The following TBC1D8 variants were observed in gnomAD, a reference collection of about 807,000 sequenced individuals.
TBC1D8 encodes BUB2-like protein 1.
A neutral mutation model predicts 118.8 loss-of-function variants in TBC1D8; 65 were observed. The ratio of observed to expected loss-of-function variants is 0.55; its 90% CI spans 0.45 to 0.67. The LOEUF is 0.67. Ranked by LOEUF, TBC1D8 falls within the 30% of genes least tolerant of loss-of-function variation. The pLI, the probability that TBC1D8 is intolerant of heterozygous loss-of-function variation, is 0.00. For missense variants in TBC1D8, 1,376 were observed against 1,471.2 expected, an observed-to-expected ratio of 0.94 and a Z score of 1.06; for synonymous variants, 566 against 595.8, an observed-to-expected ratio of 0.95 and a Z score of 0.73.
At chr2:101,113,422 A>G (rs1004532583) in intron 1 of TBC1D8, among the ~76,000 whole-genome samples, 5 of 152,070 alleles carry the variant, frequency 3.3e-5, no homozygotes, top group African/African-American at 1.2e-4. Flanking sequence ...CAAAAACAAG[A>G]CTGAACATGA....
chr2:101,124,828 G>C (rs1353192752), intron 1 of TBC1D8, among the ~76,000 whole-genome samples: 4 of 152,154 alleles, frequency 2.6e-5, no homozygotes, highest in Non-Finnish European at 1.5e-5. Context: ...GAAGAGGCTG[G>C]GTGGCCAGGA....
In TBC1D8 at chr2:101,037,644, A is replaced by G. The variant is rs368634804; in HGVS notation, c.1340T>C (p.Met447Thr). The stretch of plus-strand genomic sequence containing the variant: ...ACTCTCCTCGCTATTTTGAGAAGAC[A>G]TCATTTCAAGATCCCCAAATCTGTG... The part of the protein sequence containing the change: ...SDHRFGDLEM[M>T]SSQNSEESEK... The change falls in exon 8 of 20, where the codon ATG becomes ACG. Residue 447 changes from methionine to threonine, a missense_variant. Transcript: ENST00000409318. 36 of 1,613,846 alleles carry G rather than the reference A, an allele frequency of 2.2e-5. No homozygotes were observed. Among genetic ancestry groups the G allele is most frequent in the Middle Eastern group, 1.6e-4 (1 of 6,084 alleles).
chr2:101,068,591 C>A, intron 2 of TBC1D8: 1 of 557,852 alleles, frequency 1.8e-6, no homozygotes, highest in East Asian at 3.7e-5. Flanking sequence ...GAAAATGCAC[C>A]AAGCAGCACA....
chr2:101,071,362 CAAACAAAT>C (rs922225164), intron 2 of TBC1D8, among the ~76,000 whole-genome samples: 14 of 145,174 alleles, frequency 9.6e-5, no homozygotes, highest in African/African-American at 2.6e-4. Flanking sequence ...AACAAACAAA[CAAACAAAT>C]AAATAAATAA....
intron 5 of TBC1D8, among the ~76,000 whole-genome samples, chr2:101,045,616 G>C (rs1234707353): frequency 1.3e-5 from 2 of 152,218 alleles, no homozygotes; most frequent in Non-Finnish European, 2.9e-5. Context: ...TCTTGGATAA[G>C]GGAGGGCAAA....
At chr2:101,078,721 A>G (rs1403579919) in intron 2 of TBC1D8, among the ~76,000 whole-genome samples, 1 of 150,484 alleles carries the variant, frequency 6.6e-6, no homozygotes, top group Non-Finnish European at 1.5e-5. Context: ...TAACAAAAAA[A>G]AAAAAGGAAA....
At chr2:101,032,051 C>G (rs980553724) in intron 11 of TBC1D8, among the ~76,000 whole-genome samples, 3 of 152,178 alleles carry the variant, frequency 2.0e-5, no homozygotes, top group African/African-American at 7.2e-5. Flanking sequence ...GTCTTTATAG[C>G]AGGAATGTGT....
chr2:101,018,001 C>A, intron 17 of TBC1D8: 1 of 1,426,366 alleles, frequency 7.0e-7, no homozygotes, highest in Non-Finnish European at 9.6e-7. Context: ...GCTCGCAATT[C>A]TACTTCAAGC....
chr2:101,083,450 A>G (rs1023175987), intron 2 of TBC1D8, among the ~76,000 whole-genome samples: 1 of 152,156 alleles, frequency 6.6e-6, no homozygotes, highest in African/African-American at 2.4e-5. Flanking sequence ...CTCTCCTAGG[A>G]TGTCTCCACC....
chr2:101,067,354 G>A (rs1487838221), intron 2 of TBC1D8, among the ~76,000 whole-genome samples: 1 of 152,152 alleles, frequency 6.6e-6, no homozygotes, highest in Admixed American at 6.5e-5. Context: ...AGATGACCAA[G>A]CTTGAAGAAC....
rs898644387 is a variant in TBC1D8 at position 101,090,320 on chromosome 2, G to A, written c.172C>T (p.Arg58Trp). 3 of 1,613,992 alleles carry A rather than the reference G, an allele frequency of 1.9e-6. No homozygotes were observed. Among genetic ancestry groups the A allele is most frequent in the Non-Finnish European group, 2.5e-6 (3 of 1,179,878 alleles). Residue 58 changes from arginine to tryptophan, a missense_variant, in exon 2 of 20, where the codon CGG (arginine) becomes TGG (tryptophan). By Grantham distance (101) the Arg-to-Trp change is moderately radical. Coordinates refer to ENST00000409318, the MANE Select transcript of TBC1D8 (RefSeq NM_001330348.2). ...AGCAGAATTCGAAATGGAGCGACCC[G>A]TGCATTGGAATCCAACACTGCATCC... Reference protein sequence around the residue: ...ALDAVLDSNARVAPFRILLQV... With the variant: ...ALDAVLDSNAWVAPFRILLQV...
chr2:101,059,609 A>C, intron 2 of TBC1D8, 70 bp from the exon 3 acceptor site: 5 of 1,312,954 alleles, frequency 3.8e-6, no homozygotes, highest in Non-Finnish European at 5.4e-6. Flanking sequence ...ACGTTAACTC[A>C]TTTTCCAAAT....
At position 101,140,181 on chromosome 2, in the gene TBC1D8, C is replaced by G. The variant is rs1355171713; in HGVS notation, c.127+10946G>C. 2.0e-5 allele frequency among the ~76,000 whole-genome samples: 3 copies of G among 152,094 alleles called. No homozygotes were observed. The South Asian group carries it at 6.2e-4, about 31-fold the overall frequency. ...CAAAGAGTGGGTTATGGTCACAGAA[C>G]CCCTCTTTAAAGTTGAGAAAGAAGA... On this transcript the variant is annotated intron_variant, in intron 1 of 19. Transcript: ENST00000409318.
chr2:101,119,468 AC>A (rs1427845214), intron 1 of TBC1D8, among the ~76,000 whole-genome samples: 1 of 152,170 alleles, frequency 6.6e-6, no homozygotes, highest in Non-Finnish European at 1.5e-5. Flanking sequence ...AGAAATGAGA[AC>A]CCCTCTGACT....
chr2:101,034,524 C>A (rs945180574), intron 9 of TBC1D8, among the ~76,000 whole-genome samples: 3 of 152,226 alleles, frequency 2.0e-5, no homozygotes, highest in African/African-American at 7.2e-5. Context: ...CTGTGCCAGC[C>A]ACCCACAGCC....
At chr2:101,117,983 C>A (rs1276612392) in intron 1 of TBC1D8, among the ~76,000 whole-genome samples, 1 of 150,008 alleles carries the variant, frequency 6.7e-6, no homozygotes, top group Non-Finnish European at 1.5e-5. Flanking sequence ...GGAAAGTCAT[C>A]TCTCAGTAAC....
At chr2:101,068,537 C>T in intron 2 of TBC1D8, 2 of 524,672 alleles carry the variant, frequency 3.8e-6, no homozygotes, top group Non-Finnish European at 7.0e-6. Flanking sequence ...GGTATGTAAA[C>T]CCAAACTTTT....
chr2:101,141,390 A>G (rs1679093349), intron 1 of TBC1D8, among the ~76,000 whole-genome samples: 1 of 152,108 alleles, frequency 6.6e-6, no homozygotes, highest in Non-Finnish European at 1.5e-5. Context: ...GCAGATCTTC[A>G]TTCAATATGT....
intron 1 of TBC1D8, among the ~76,000 whole-genome samples, chr2:101,117,560 A>G (rs1430985519): frequency 6.9e-6 from 1 of 145,484 alleles, no homozygotes; most frequent in Non-Finnish European, 1.5e-5. Context: ...GTTGGTTAGG[A>G]GGCAGAACTT....
Sources: allele counts gnomAD v4.1 joint callset (sites outside exome capture counted in the v4.1 genomes callset), GRCh38; gene constraint gnomAD v4.1.1; transcripts MANE v1.5; gene names NCBI Gene and HGNC (gene_info 2026-07-23, HGNC 2026-07-21).